Variants in NPAT observed in about 807,000 individuals in gnomAD.
NPAT encodes the protein nuclear protein, coactivator of histone transcription.
NPAT carries 52 observed loss-of-function variants against 130.7 expected under a neutral mutation model. The observed-to-expected ratio is 0.40, with a 90% CI of 0.32 to 0.50. The LOEUF (loss-of-function observed/expected upper bound fraction) is 0.50. Ranked by LOEUF, NPAT falls within the 20% of genes least tolerant of loss-of-function variation. The probability of loss-of-function intolerance (pLI) is 0.68; values close to 1 mark genes in which losing one functional copy is unlikely to be tolerated. For missense variants in NPAT, 1,687 were observed against 1,662.6 expected, an observed-to-expected ratio of 1.01 and a Z score of -0.26; for synonymous variants, 580 against 584.8, an observed-to-expected ratio of 0.99 and a Z score of 0.12.
At chr11:108,207,444 G>A (rs751270162) in intron 1 of NPAT, among the ~76,000 whole-genome samples, 6 of 152,228 alleles carry the variant, frequency 3.9e-5, no homozygotes, top group Non-Finnish European at 7.3e-5. Context: ...AGGTGCCCAC[G>A]GTGCTTAGGC....
At chr11:108,176,414 AC>A in intron 11 of NPAT, 40 bp from the exon 12 acceptor site, 1 of 1,402,710 alleles carries the variant, frequency 7.1e-7, no homozygotes, top group Non-Finnish European at 1.0e-6. Context: ...AATGACCAAA[AC>A]AAAAAATAAA....
intron 8 of NPAT, 38 bp downstream of exon 8, chr11:108,186,444 G>T: frequency 1.4e-6 from 2 of 1,470,280 alleles, no homozygotes; most frequent in South Asian, 1.1e-5. Context: ...TTAAACTCAG[G>T]AATATTTTAA....
intron 10 of NPAT, among the ~76,000 whole-genome samples, chr11:108,178,805 C>T (rs2078033053): frequency 2.0e-5 from 3 of 152,142 alleles, no homozygotes; most frequent in African/African-American, 7.2e-5. Flanking sequence ...TTGCAATGAA[C>T]CAAGATGGTG....
At chr11:108,208,484 AG>A (rs1164690152) in intron 1 of NPAT, 1 of 455,266 alleles carries the variant, frequency 2.2e-6, no homozygotes, top group Non-Finnish European at 4.4e-6. Flanking sequence ...GCTGCTCTGG[AG>A]GTGGAGGTGG....
chr11:108,207,843 C>T (rs2078343735), intron 1 of NPAT, among the ~76,000 whole-genome samples: 3 of 152,186 alleles, frequency 2.0e-5, no homozygotes, highest in Admixed American at 1.3e-4. Context: ...GTTCCCAGCT[C>T]CTGCTGCCCT....
chr11:108,173,964 G>A (rs2077980866), intron 12 of NPAT, 113 bp from the exon 13 acceptor site: 1 of 871,528 alleles, frequency 1.1e-6, no homozygotes, highest in Admixed American at 2.0e-5. Flanking sequence ...TTGCATACCA[G>A]TAAGTGGAAG....
At chr11:108,205,930 A>G (rs1415236913) in intron 1 of NPAT, among the ~76,000 whole-genome samples, 1 of 152,204 alleles carries the variant, frequency 6.6e-6, no homozygotes, top group Non-Finnish European at 1.5e-5. Flanking sequence ...CTGTAATCTC[A>G]GCTACTTGGG....
At chr11:108,165,279 A>G (rs2077890477) in intron 15 of NPAT, among the ~76,000 whole-genome samples, 1 of 151,584 alleles carries the variant, frequency 6.6e-6, no homozygotes. Context: ...TGTATTTCTC[A>G]TTTTTAAATT....
chr11:108,200,855 T>G lies in NPAT; in HGVS notation c.38-3435A>C, dbSNP rs11212548. Among the ~76,000 whole-genome samples, 940 of 152,258 alleles carry G rather than the reference T, an allele frequency of 6.2e-3. 6 individuals carry two copies. The highest frequency in any genetic ancestry group is 0.012 in the East Asian group (60 of 5,172). ...TCAAATACTTGAGGGAACTAAATGG[T>G]TCACAGTCCTGAACCTAAAAGACAT... is the stretch of plus-strand genomic sequence containing the variant. On this transcript the variant is annotated intron_variant, in intron 1 of 17. Coordinates refer to ENST00000278612, the MANE Select transcript of NPAT (RefSeq NM_002519.3).
intron 3 of NPAT, 36 bp from the exon 4 acceptor site, chr11:108,192,226 G>A (rs771755746): frequency 1.1e-5 from 15 of 1,340,790 alleles, no homozygotes; most frequent in Non-Finnish European, 1.2e-5. Context: ...AATAAACCCA[G>A]CTGAAGAAAT....
intron 2 of NPAT, 67 bp downstream of exon 2, chr11:108,197,235 A>C: frequency 8.7e-7 from 1 of 1,145,826 alleles, no homozygotes; most frequent in Non-Finnish European, 1.3e-6. Context: ...TGATAAGCTG[A>C]TTTTATGACT....
In NPAT at chr11:108,217,647, G is replaced by A. The variant is rs1010434911; in HGVS notation, c.37+4853C>T. ...CTCAGTCAGGTAACAGGAAATTTTA[G>A]GCACAAATTAATTCTAAATCTCTGG... On this transcript the variant is annotated intron_variant, in intron 1 of 17. Transcript: ENST00000278612. Among the ~76,000 whole-genome samples, 7 of 152,108 alleles carry A rather than the reference G, an allele frequency of 4.6e-5. No homozygotes were observed. In the East Asian group the frequency reaches 1.4e-3, roughly 29 times the overall value.
rs2078127231 is a variant in NPAT, at chr11:108,188,175, T to A, written c.561A>T (p.Gly187=). Residue 187 remains glycine (G), a synonymous_variant, in exon 7 of 18, where the codon GGA becomes GGT. Coordinates refer to ENST00000278612, the MANE Select transcript of NPAT (RefSeq NM_002519.3). ...CACCAGGAATGACATTTAAAGCTTC[T>A]CCAGCTGTATTTCAAGAAAACATAA... ...HSQSQDTVTT[G]EALNVIPGAQ... 1.2e-6 allele frequency: 2 copies of A among 1,612,816 alleles called. No homozygotes were observed. The highest frequency in any genetic ancestry group is 2.7e-5 in the African/African-American group (2 of 74,872).
chr11:108,160,135 A>G (rs1254487859), intron 17 of NPAT, among the ~76,000 whole-genome samples: 1 of 150,870 alleles, frequency 6.6e-6, no homozygotes, highest in Non-Finnish European at 1.5e-5. Context: ...GTAACAGCGC[A>G]AGACTCTGTC....
intron 1 of NPAT, among the ~76,000 whole-genome samples, chr11:108,205,621 G>T (rs1417840252): frequency 6.6e-6 from 1 of 152,154 alleles, no homozygotes; most frequent in African/African-American, 2.4e-5. Flanking sequence ...TTTAAAAATT[G>T]TATGTTATCA....
chr11:108,219,810 T>C (rs1393286666), intron 1 of NPAT, among the ~76,000 whole-genome samples: 2 of 152,252 alleles, frequency 1.3e-5, no homozygotes, highest in Non-Finnish European at 2.9e-5. Context: ...GTGTTGAATT[T>C]TGTTAGTATA....
intron 5 of NPAT, among the ~76,000 whole-genome samples, chr11:108,189,732 T>C (rs971889509): frequency 2.7e-5 from 4 of 150,852 alleles, no homozygotes; most frequent in Admixed American, 2.0e-4. Context: ...TAGCCGGGCG[T>C]GGTAGCGGGC....
chr11:108,175,316 G>A (rs2077995082), intron 12 of NPAT, among the ~76,000 whole-genome samples: 1 of 152,162 alleles, frequency 6.6e-6, no homozygotes, highest in African/African-American at 2.4e-5. Flanking sequence ...CCCAATTTCA[G>A]GCACCCACTG....
chr11:108,189,202 C>A lies in NPAT; in HGVS notation c.460G>T (p.Gly154Cys). Residue 154 changes from glycine (G) to cysteine (C), a missense_variant, in exon 6 of 18, where the codon GGT becomes TGT. Coordinates refer to ENST00000278612, the MANE Select transcript of NPAT (RefSeq NM_002519.3). ...CCACTTGGTCGAGTAACCTGTGTAC[C>A]TGTGGAAGGAGGAGTGGTAAACTGT... ...SGQFTTPPST[G>C]TQVTRPSGQI... The A allele has an allele frequency of 6.2e-7, 1 of 1,614,120 alleles. No individual in the cohort carries two copies. The highest frequency in any genetic ancestry group is 1.1e-5 in the South Asian group (1 of 91,086).
Sources: gnomAD v4.1 joint callset for allele counts (sites outside exome capture counted in the v4.1 genomes callset) on GRCh38, gnomAD v4.1.1 for gene constraint, MANE v1.5 for transcripts, NCBI Gene and HGNC (gene_info 2026-07-23, HGNC 2026-07-21) for gene names.